The following DAB1 variants were observed in gnomAD, a reference collection of about 807,000 sequenced individuals.
DAB1 encodes the protein disabled homolog 1.
Under a neutral mutation model 64.6 loss-of-function variants are expected in DAB1, and 15 were observed. The observed-to-expected ratio is 0.23, with a 90% CI of 0.16 to 0.36. DAB1 has a LOEUF of 0.36. DAB1 is among the 10% of genes least tolerant of loss of function. The pLI is 1.00. For synonymous variants in DAB1, 235 were observed against 251.9 expected (o/e 0.93, Z 0.64); for missense variants, 596 against 706.7 (o/e 0.84, Z 1.78).
chr1:58,534,518 C>G (rs1646486249), intron 1 of DAB1, among the ~76,000 whole-genome samples: 1 of 152,196 alleles, frequency 6.6e-6, no homozygotes, highest in Non-Finnish European at 1.5e-5. Flanking sequence ...TGGTTTCTTA[C>G]AAAGGAATAA....
At chr1:57,450,777 A>G (rs1396263481) in intron 7 of DAB1, among the ~76,000 whole-genome samples, 2 of 152,192 alleles carry the variant, frequency 1.3e-5, no homozygotes, top group African/African-American at 4.8e-5. Context: ...AAAACAATGA[A>G]CTTCAACTTA....
At chr1:57,273,604 T>TTCCC (rs1671216124) in intron 2 of DAB1, among the ~76,000 whole-genome samples, 5 of 112,850 alleles carry the variant, frequency 4.4e-5, no homozygotes, top group African/African-American at 1.6e-4. Context: ...CCTTCCTTCC[T>TTCCC]TCCTTCCTTC....
chr1:57,200,236 C>T (rs1375903920), intron 2 of DAB1, among the ~76,000 whole-genome samples: 3 of 152,184 alleles, frequency 2.0e-5, no homozygotes, highest in African/African-American at 4.8e-5. Context: ...AGTCTGGTTG[C>T]ATCTATTAGT....
intron 5 of DAB1, chr1:58,048,764 C>T (rs1425351419): frequency 5.6e-6 from 7 of 1,240,726 alleles, no homozygotes; most frequent in African/African-American, 1.5e-5. Context: ...GCTTTCCTAA[C>T]TTCACAGTTG....
downstream of DAB1, among the ~76,000 whole-genome samples, chr1:57,823,697 A>G (rs186586949): frequency 1.3e-5 from 2 of 152,304 alleles, no homozygotes; most frequent in Non-Finnish European, 2.9e-5. Flanking sequence ...GGATTGATGT[A>G]TAAAAGGAAA....
In DAB1 at chr1:58,317,383, G is replaced by C. The variant is rs578234626; in HGVS notation, n.309+25969C>G. 2.6e-5 allele frequency among the ~76,000 whole-genome samples: 4 copies of C among 152,320 alleles called. 1 individual carries two copies. In the South Asian group the frequency reaches 8.3e-4, roughly 32 times the overall value. ...ACTGCATTATGTTACAAAACACAGG[G>C]AGCTTGAAAAAGGGAGATTATCTGG... On this transcript the variant is annotated intron_variant and non_coding_transcript_variant, in intron 4 of 20. Transcript: ENST00000485760.
chr1:57,953,307 G>A (rs910853052), intron 5 of DAB1, among the ~76,000 whole-genome samples: 2 of 152,186 alleles, frequency 1.3e-5, no homozygotes, highest in Non-Finnish European at 2.9e-5. Flanking sequence ...GATAATCGTG[G>A]TGAACTGGAA....
At chr1:58,201,001 T>C (rs1393386318) in intron 4 of DAB1, among the ~76,000 whole-genome samples, 1 of 151,550 alleles carries the variant, frequency 6.6e-6, no homozygotes, top group African/African-American at 2.4e-5. Context: ...ATGAATAATG[T>C]AGTCTATTTT....
In DAB1 at chr1:58,279,845, C is replaced by T. The variant is rs76647950; in HGVS notation, n.309+63507G>A. On this transcript the variant is annotated intron_variant and non_coding_transcript_variant, in intron 4 of 20. Transcript: ENST00000485760. ...AGGAGGTTTTCTGAAGAGATCTAACCTTCAAATGCCTCCTTCTGCCCATCA... is the reference window on the plus strand; with the variant it reads ...AGGAGGTTTTCTGAAGAGATCTAACTTTCAAATGCCTCCTTCTGCCCATCA... Among the ~76,000 whole-genome samples, 870 of 152,232 alleles carry T rather than the reference C, an allele frequency of 5.7e-3. 9 individuals are homozygous for T. The highest frequency in any genetic ancestry group is 0.02 in the African/African-American group (830 of 41,544).
At chr1:57,282,247 G>A (rs1047586698) in intron 2 of DAB1, among the ~76,000 whole-genome samples, 1 of 147,426 alleles carries the variant, frequency 6.8e-6, no homozygotes, top group African/African-American at 2.5e-5. Flanking sequence ...AACAGGAGTC[G>A]CCAAGAGCAA....
chr1:57,847,372 T>C (rs1244635508), intron 1 of DAB1, among the ~76,000 whole-genome samples: 1 of 151,042 alleles, frequency 6.6e-6, no homozygotes, highest in African/African-American at 2.4e-5. Context: ...AGAGAAAGCA[T>C]AAAACAAAAA....
chr1:57,663,169 A>G (rs1558587805), intron 6 of DAB1, among the ~76,000 whole-genome samples: 1 of 152,140 alleles, frequency 6.6e-6, no homozygotes, highest in African/African-American at 2.4e-5. Flanking sequence ...CCATTCTTAT[A>G]TGGCCAGAGA....
At chr1:57,127,967 G>C (rs2100771806) in intron 4 of DAB1, among the ~76,000 whole-genome samples, 1 of 152,066 alleles carries the variant, frequency 6.6e-6, no homozygotes, top group East Asian at 1.9e-4. Flanking sequence ...AGCCAACATG[G>C]TGAAATCTCA....
At chr1:58,502,154 G>T (rs1645917443) in intron 3 of DAB1, among the ~76,000 whole-genome samples, 1 of 152,092 alleles carries the variant, frequency 6.6e-6, no homozygotes, top group African/African-American at 2.4e-5. Flanking sequence ...TGATATGCAA[G>T]GGATCCAATA....
chr1:57,282,120 T>G (rs1364595029), intron 2 of DAB1, among the ~76,000 whole-genome samples: 1 of 145,954 alleles, frequency 6.9e-6, no homozygotes. Flanking sequence ...GAGGCAGACA[T>G]TGCAGTGAGC....
intron 4 of DAB1, among the ~76,000 whole-genome samples, chr1:58,265,949 T>C (rs1481101910): frequency 1.3e-5 from 2 of 152,094 alleles, no homozygotes; most frequent in Admixed American, 6.6e-5. Flanking sequence ...GAGAGCCAAA[T>C]ACTAAGTTTG....
At chr1:58,015,741 C>T (rs1646729279) in intron 5 of DAB1, among the ~76,000 whole-genome samples, 1 of 152,158 alleles carries the variant, frequency 6.6e-6, no homozygotes, top group Non-Finnish European at 1.5e-5. Context: ...TATTTTAAAA[C>T]ATTTCAGAGA....
chr1:58,530,072 A>G (rs1047302648), intron 1 of DAB1, among the ~76,000 whole-genome samples: 1 of 152,080 alleles, frequency 6.6e-6, no homozygotes, highest in East Asian at 1.9e-4. Context: ...TAGTAGAGAC[A>G]GGGTTTCACC....
At chr1:57,763,305 A>G (rs1207581303) in intron 6 of DAB1, among the ~76,000 whole-genome samples, 1 of 152,128 alleles carries the variant, frequency 6.6e-6, no homozygotes, top group Non-Finnish European at 1.5e-5. Flanking sequence ...CATAGCCAGT[A>G]AGTTTGCAGT....
Sources: gnomAD v4.1 joint callset for allele counts (sites outside exome capture counted in the v4.1 genomes callset) on GRCh38, gnomAD v4.1.1 for gene constraint, MANE v1.5 for transcripts, NCBI Gene and HGNC (gene_info 2026-07-23, HGNC 2026-07-21) for gene names.